PTPRD: variants seen among roughly 807,000 people sequenced by gnomAD.
PTPRD encodes protein tyrosine phosphatase receptor type D, also known as receptor-type tyrosine-protein phosphatase delta.
A neutral mutation model predicts 214.5 loss-of-function variants in PTPRD; 34 were observed. The observed-to-expected ratio is 0.16, with a 90% CI of 0.12 to 0.21. PTPRD has a LOEUF of 0.21. Among genes scored for constraint, PTPRD ranks in the 10% least tolerant of loss-of-function variants. The pLI is 1.00. For synonymous variants in PTPRD, 1,128 were observed against 845.7 expected (o/e 1.33, Z -5.79); for missense variants, 2,545 against 2,398.7 (o/e 1.06, Z -1.27).
chr9:9,040,976 G>T (rs938604291), intron 10 of PTPRD, among the ~76,000 whole-genome samples: 3 of 152,072 alleles, frequency 2.0e-5, no homozygotes, highest in Non-Finnish European at 4.4e-5. Context: ...AGCTTGATTT[G>T]TAAGTGTTCT....
intron 9 of PTPRD, among the ~76,000 whole-genome samples, chr9:9,275,561 C>T (rs1246608894): frequency 6.6e-6 from 1 of 150,984 alleles, no homozygotes; most frequent in Non-Finnish European, 1.5e-5. Flanking sequence ...CTGGTAAGAG[C>T]CTAGATTATG....
intron 2 of PTPRD, among the ~76,000 whole-genome samples, chr9:10,393,592 G>A (rs1454950777): frequency 6.7e-6 from 1 of 149,826 alleles, no homozygotes; most frequent in African/African-American, 2.4e-5. Context: ...GGAGTTCAAG[G>A]CTAGTCTGGG....
intron 8 of PTPRD, among the ~76,000 whole-genome samples, chr9:9,544,962 T>A (rs1591250933): frequency 1.1e-5 from 1 of 90,086 alleles, no homozygotes; most frequent in Non-Finnish European, 2.7e-5. Context: ...CTAAATCTCA[T>A]CTTGTTGTTC....
chr9:10,478,593 A>C (rs901989360), intron 2 of PTPRD, among the ~76,000 whole-genome samples: 1 of 152,184 alleles, frequency 6.6e-6, no homozygotes, highest in Non-Finnish European at 1.5e-5. Flanking sequence ...GAACTAGAGA[A>C]GTAGTTCAGT....
chr9:10,603,307 G>A (rs1026403099), intron 2 of PTPRD, among the ~76,000 whole-genome samples: 15 of 151,794 alleles, frequency 9.9e-5, no homozygotes, highest in African/African-American at 3.6e-4. Flanking sequence ...AGTTTTCCTT[G>A]ATATGATTTG....
intron 8 of PTPRD, among the ~76,000 whole-genome samples, chr9:9,417,606 A>G (rs1362933703): frequency 1.3e-5 from 2 of 152,148 alleles, no homozygotes; most frequent in African/African-American, 4.8e-5. Flanking sequence ...ACCTGAGGGA[A>G]GTTGAGTTAA....
At chr9:10,052,517 T>A (rs933425390) in intron 3 of PTPRD, among the ~76,000 whole-genome samples, 7 of 152,194 alleles carry the variant, frequency 4.6e-5, no homozygotes, top group African/African-American at 1.4e-4. Context: ...CTGACATTTA[T>A]GGAGCACCTA....
At chr9:8,939,591 A>ACG (rs2099018769) in intron 11 of PTPRD, among the ~76,000 whole-genome samples, 1 of 151,768 alleles carries the variant, frequency 6.6e-6, no homozygotes, top group African/African-American at 2.4e-5. Context: ...ACACACACAC[A>ACG]TCAGCTTATT....
intron 39 of PTPRD, among the ~76,000 whole-genome samples, chr9:8,369,718 T>C (rs7871364): frequency 0.11 from 16,600 of 151,984 alleles, 1,446 homozygotes; most frequent in African/African-American, 0.24. Context: ...TAGAAAGTCT[T>C]CCTTTTGTCT....
intron 11 of PTPRD, among the ~76,000 whole-genome samples, chr9:8,751,189 T>G (rs995048913): frequency 2.0e-5 from 3 of 152,098 alleles, no homozygotes; most frequent in Non-Finnish European, 4.4e-5. Context: ...ATCAAATGAC[T>G]TTTTTTCTCC....
chr9:10,111,432 G>A (rs1005837154), intron 3 of PTPRD, among the ~76,000 whole-genome samples: 2 of 151,168 alleles, frequency 1.3e-5, no homozygotes, highest in Admixed American at 1.3e-4. Flanking sequence ...TAGAGACGGG[G>A]TTTCACCGTT....
chr9:9,557,059 C>A (rs945351693), intron 8 of PTPRD, among the ~76,000 whole-genome samples: 1 of 152,118 alleles, frequency 6.6e-6, no homozygotes, highest in Non-Finnish European at 1.5e-5. Flanking sequence ...TGAGAGATAA[C>A]GTCCATCAAT....
intron 11 of PTPRD, among the ~76,000 whole-genome samples, chr9:8,973,137 G>T (rs892618980): frequency 2.6e-5 from 4 of 151,864 alleles, no homozygotes; most frequent in African/African-American, 9.7e-5. Context: ...CAAATGTATA[G>T]ATTTGTTAGA....
chr9:10,113,513 G>A (rs1404822152), intron 3 of PTPRD, among the ~76,000 whole-genome samples: 1 of 152,138 alleles, frequency 6.6e-6, no homozygotes, highest in Non-Finnish European at 1.5e-5. Context: ...TAGAGATAAT[G>A]GATGCCATGT....
intron 2 of PTPRD, among the ~76,000 whole-genome samples, chr9:10,383,445 T>C (rs1335847554): frequency 1.3e-5 from 2 of 151,858 alleles, no homozygotes; most frequent in African/African-American, 4.8e-5. Flanking sequence ...TTTGCTCCTT[T>C]CTTCTGCAAT....
chr9:8,678,600 G>A (rs554864404), intron 12 of PTPRD, among the ~76,000 whole-genome samples: 2 of 152,156 alleles, frequency 1.3e-5, no homozygotes, highest in South Asian at 4.1e-4. Flanking sequence ...CAGTATTTTG[G>A]CCCATATTTG....
At chr9:9,506,230 T>C (rs1015479862) in intron 8 of PTPRD, among the ~76,000 whole-genome samples, 11 of 151,410 alleles carry the variant, frequency 7.3e-5, no homozygotes, top group African/African-American at 2.7e-4. Flanking sequence ...TTATTATACA[T>C]TGCTTTATGC....
chr9:9,575,684 C>T (rs186391882), intron 7 of PTPRD, among the ~76,000 whole-genome samples: 1,819 of 119,052 alleles, frequency 0.015, 25 homozygotes, highest in Non-Finnish European at 0.022. Flanking sequence ...CATGCCACTG[C>T]ACTCCAGCCT....
intron 2 of PTPRD, among the ~76,000 whole-genome samples, chr9:10,495,315 G>A (rs1474722314): frequency 2.6e-5 from 4 of 151,770 alleles, no homozygotes. Context: ...AGACTTGAGA[G>A]ACATAAGGAA....
Sources: gnomAD v4.1 joint callset for allele counts (sites outside exome capture counted in the v4.1 genomes callset) on GRCh38, gnomAD v4.1.1 for gene constraint, MANE v1.5 for transcripts, NCBI Gene and HGNC (gene_info 2026-07-23, HGNC 2026-07-21) for gene names.